The following RAD51B variants were observed in gnomAD, a reference collection of about 807,000 sequenced individuals.
RAD51B encodes the protein DNA repair protein RAD51 homolog 2.
RAD51B carries 38 observed loss-of-function variants against 42.2 expected under a neutral mutation model. The observed-to-expected ratio is 0.90, with a 90% CI of 0.70 to 1.18. RAD51B has a LOEUF of 1.18. RAD51B is among the 50% of genes most tolerant of loss of function. RAD51B has a pLI of 0.00. For synonymous variants in RAD51B, 154 were observed against 145.2 expected (o/e 1.06, Z -0.43); for missense variants, 373 against 400.7 (o/e 0.93, Z 0.59).
intron 8 of RAD51B, among the ~76,000 whole-genome samples, chr14:68,368,184 A>G (rs1415594299): frequency 1.3e-5 from 2 of 152,238 alleles, no homozygotes; most frequent in Non-Finnish European, 2.9e-5. Flanking sequence ...AGTCATGTAC[A>G]TATTTTCATT....
At chr14:68,274,852 A>G (rs1393532005) in intron 7 of RAD51B, among the ~76,000 whole-genome samples, 1 of 152,148 alleles carries the variant, frequency 6.6e-6, no homozygotes, top group Admixed American at 6.5e-5. Context: ...GGTTGCTGCT[A>G]AGGTTTGATT....
intron 7 of RAD51B, among the ~76,000 whole-genome samples, chr14:68,012,464 G>C (rs953669987): frequency 6.6e-6 from 1 of 151,800 alleles, no homozygotes; most frequent in East Asian, 1.9e-4. Flanking sequence ...AGCGAGAGAG[G>C]AGAGAGAGCC....
At chr14:68,129,882 AT>A (rs1566667669) in intron 7 of RAD51B, among the ~76,000 whole-genome samples, 1 of 152,228 alleles carries the variant, frequency 6.6e-6, no homozygotes, top group East Asian at 1.9e-4. Context: ...GGGGAACAAC[AT>A]TTTGAGGATC....
At chr14:68,143,812 G>A (rs1324480707) in intron 7 of RAD51B, among the ~76,000 whole-genome samples, 1 of 152,180 alleles carries the variant, frequency 6.6e-6, no homozygotes, top group Non-Finnish European at 1.5e-5. Flanking sequence ...TTGTAAGTGT[G>A]TGTGGACTCT....
chr14:68,250,339 T>C (rs2080597040), intron 7 of RAD51B, among the ~76,000 whole-genome samples: 1 of 152,226 alleles, frequency 6.6e-6, no homozygotes, highest in Admixed American at 6.5e-5. Flanking sequence ...ATGCAGGCTA[T>C]GCTTTTAAGT....
intron 9 of RAD51B, among the ~76,000 whole-genome samples, chr14:68,419,438 A>G (rs1176104968): frequency 6.6e-6 from 1 of 151,812 alleles, no homozygotes; most frequent in Non-Finnish European, 1.5e-5. Context: ...GGAAAAAAAA[A>G]AAATTTAAGC....
intron 7 of RAD51B, among the ~76,000 whole-genome samples, chr14:68,112,007 T>C (rs1345580758): frequency 1.3e-5 from 2 of 152,060 alleles, no homozygotes; most frequent in African/African-American, 2.4e-5. Flanking sequence ...CTTCTAACTC[T>C]CCTGCAAGAG....
At chr14:68,576,224 G>A (rs1400477657) in intron 10 of RAD51B, among the ~76,000 whole-genome samples, 1 of 152,194 alleles carries the variant, frequency 6.6e-6, no homozygotes, top group Non-Finnish European at 1.5e-5. Context: ...AAGGAAGCTA[G>A]AGGCAAAGGA....
chr14:68,014,287 A>G (rs1401492535), intron 7 of RAD51B, among the ~76,000 whole-genome samples: 7 of 144,598 alleles, frequency 4.8e-5, no homozygotes, highest in Admixed American at 1.4e-4. Context: ...GTTTTTTTAC[A>G]TTTGTTGATT....
At chr14:68,305,131 G>A (rs1225146102) in intron 8 of RAD51B, among the ~76,000 whole-genome samples, 5 of 152,180 alleles carry the variant, frequency 3.3e-5, no homozygotes, top group African/African-American at 4.8e-5. Flanking sequence ...TCATTGTGAT[G>A]TATTCCCACC....
chr14:68,259,837 A>G (rs987709809), intron 7 of RAD51B, among the ~76,000 whole-genome samples: 2 of 152,136 alleles, frequency 1.3e-5, no homozygotes, highest in Non-Finnish European at 2.9e-5. Context: ...CTATGGCTAT[A>G]TCACTGTTTT....
intron 10 of RAD51B, among the ~76,000 whole-genome samples, chr14:68,539,566 G>A (rs1193335721): frequency 3.3e-5 from 5 of 152,186 alleles, no homozygotes; most frequent in African/African-American, 7.2e-5. Context: ...CTGCTTGTTC[G>A]GTTGCAACTG....
intron 7 of RAD51B, among the ~76,000 whole-genome samples, chr14:68,250,912 A>G (rs2080615187): frequency 1.3e-5 from 2 of 152,230 alleles, no homozygotes; most frequent in South Asian, 4.1e-4. Flanking sequence ...ACCTTCATGG[A>G]CACAAGCTGT....
chr14:67,826,252 T>C (rs2040829584), intron 3 of RAD51B, among the ~76,000 whole-genome samples: 1 of 152,194 alleles, frequency 6.6e-6, no homozygotes, highest in African/African-American at 2.4e-5. Context: ...ACCTTTACCA[T>C]CATCACTTGC....
chr14:68,194,601 T>G (rs892526019), intron 7 of RAD51B, among the ~76,000 whole-genome samples: 2 of 152,206 alleles, frequency 1.3e-5, no homozygotes, highest in African/African-American at 4.8e-5. Flanking sequence ...TTTATTTTGT[T>G]TTAAATAGAG....
intron 9 of RAD51B, among the ~76,000 whole-genome samples, chr14:68,449,064 A>G (rs1202965576): frequency 1.3e-5 from 2 of 152,220 alleles, no homozygotes; most frequent in Admixed American, 1.3e-4. Flanking sequence ...GTAAATATAC[A>G]TATTACTAAC....
At chr14:67,860,948 C>T (rs190673309) in intron 4 of RAD51B, among the ~76,000 whole-genome samples, 4 of 152,226 alleles carry the variant, frequency 2.6e-5, no homozygotes, top group Non-Finnish European at 5.9e-5. Flanking sequence ...AATCCTAGTA[C>T]TTTGGGAGGC....
chr14:68,094,047 G>A (rs1298739762), intron 7 of RAD51B, among the ~76,000 whole-genome samples: 14 of 152,112 alleles, frequency 9.2e-5, no homozygotes. Flanking sequence ...AAACTAATGG[G>A]TGTAAAGTGG....
chr14:68,262,223 G>A (rs1294112139), intron 7 of RAD51B, among the ~76,000 whole-genome samples: 1 of 152,152 alleles, frequency 6.6e-6, no homozygotes, highest in East Asian at 1.9e-4. Context: ...GAGAAGGCAT[G>A]AGGATTTAGC....
Sources: gnomAD v4.1 joint callset for allele counts (sites outside exome capture counted in the v4.1 genomes callset) on GRCh38, gnomAD v4.1.1 for gene constraint, MANE v1.5 for transcripts, NCBI Gene and HGNC (gene_info 2026-07-23, HGNC 2026-07-21) for gene names.